Variants in ALDH3A1 observed in about 807,000 individuals in gnomAD.
ALDH3A1 encodes the protein aldehyde dehydrogenase, dimeric NADP-preferring.
Under a neutral mutation model 49.9 loss-of-function variants are expected in ALDH3A1, and 46 were observed. The observed-to-expected ratio is 0.92, with a 90% CI of 0.73 to 1.18. The LOEUF (loss-of-function observed/expected upper bound fraction) is 1.18, where lower values mean the gene tolerates loss of function less well. ALDH3A1 is among the 50% of genes most tolerant of loss of function. ALDH3A1 has a pLI of 0.00. For synonymous variants in ALDH3A1, 269 were observed against 253.3 expected, an observed-to-expected ratio of 1.06 and a Z score of -0.59; for missense variants, 592 against 611.8, an observed-to-expected ratio of 0.97 and a Z score of 0.34.
In ALDH3A1 at chr17:19,740,332, G is replaced by A. The variant is rs766638702; in HGVS notation, c.949+4C>T. On this transcript the variant is annotated splice_donor_region_variant and intron_variant, in intron 7 of 10. Transcript: ENST00000225740. ...GTGGGCTGTGCTCTTCAGGGGTCAC[G>A]CACCTATGTAGCGAGTGGCGGCATC... The A allele has an allele frequency of 8.1e-6, 13 of 1,613,652 alleles. No individual in the cohort carries two copies. The highest frequency in any genetic ancestry group is 1.7e-5 in the Admixed American group (1 of 60,024).
At chr17:19,746,696 C>CAT (rs202006385) in intron 1 of ALDH3A1, among the ~76,000 whole-genome samples, 1 of 139,322 alleles carries the variant, frequency 7.2e-6, no homozygotes, top group South Asian at 2.2e-4. Flanking sequence ...TGTGTGTGTG[C>CAT]GTGCGTGTGT....
chr17:19,742,287 C>A, intron 4 of ALDH3A1, 75 bp from the exon 5 acceptor site: 1 of 1,508,564 alleles, frequency 6.6e-7, no homozygotes, highest in South Asian at 1.2e-5. Flanking sequence ...GGGTGAGTTG[C>A]AGTGGCCAAG....
rs765461706 is a variant in ALDH3A1 at position 19,742,052 on chromosome 17, T to G, written c.641A>C (p.Lys214Thr). The part of the protein sequence containing the change: ...LTPVTLELGG[K>T]SPCYVDKNCD... Reference sequence around the variant, plus strand: ...GTTCTTGTCCACGTAGCAGGGACTCTTCCCTCCCAGCTCCAGCGTGACAGG... The same window carrying G: ...GTTCTTGTCCACGTAGCAGGGACTCGTCCCTCCCAGCTCCAGCGTGACAGG... Residue 214 changes from lysine (K) to threonine (T), a missense_variant, in exon 5 of 11, where the codon AAG (lysine) becomes ACG (threonine). Lys to Thr is a moderately conservative substitution (Grantham distance 78). Coordinates refer to ENST00000225740, the MANE Select transcript of ALDH3A1 (RefSeq NM_000691.5). 3 of 1,613,962 alleles carry G rather than the reference T, an allele frequency of 1.9e-6. No homozygotes were observed. The highest frequency in any genetic ancestry group is 1.7e-5 in the Admixed American group (1 of 60,016).
rs1294013544 is a variant in ALDH3A1, at chr17:19,739,101, C to T, written c.1117-6G>A. 6.2e-7 allele frequency: 1 copy of T among 1,611,164 alleles called. No individual in the cohort carries two copies. The highest frequency in any genetic ancestry group is 1.1e-5 in the South Asian group (1 of 90,566). ...GCAATCATCTTCTTAATCACCTGCACCAGGACCCAGCCACTGGCCTCAGTC... is the reference window on the plus strand; with the variant it reads ...GCAATCATCTTCTTAATCACCTGCATCAGGACCCAGCCACTGGCCTCAGTC... On this transcript the variant is annotated splice_region_variant and splice_polypyrimidine_tract_variant and intron_variant, in intron 8 of 10. Transcript: ENST00000225740.
At position 19,738,211 on chromosome 17, in the gene ALDH3A1, CA is replaced by C. The variant is rs1352852780; in HGVS notation, c.*9del. The C allele has an allele frequency of 1.2e-6, 2 of 1,613,932 alleles. No homozygotes were observed. The highest frequency in any genetic ancestry group is 1.7e-6 in the Non-Finnish European group (2 of 1,180,004). ...CACAGTATGGCCAGGCCAGGCGGAG[CA>C]ACCCCTCCTCAGTGCTGGGTCATCT... On this transcript the variant is annotated 3_prime_UTR_variant, in exon 11 of 11. Transcript: ENST00000225740.
rs762203999 is a variant in ALDH3A1 at position 19,738,457 on chromosome 17, C to A, written c.1217-4G>T. 7.5e-6 allele frequency: 12 copies of A among 1,609,108 alleles called. No homozygotes were observed. The highest frequency in any genetic ancestry group is 1.3e-5 in the African/African-American group (1 of 74,972). On this transcript the variant is annotated splice_polypyrimidine_tract_variant and splice_region_variant and intron_variant, in intron 9 of 10. Transcript: ENST00000225740. ...TAGGATCCCATGCCGCTGTTCCCTG[C>A]GGAGGAGAAGTAAGCACAGGGCTCA...
chr17:19,741,368 C>T (rs916579042), intron 5 of ALDH3A1, 158 bp from the exon 6 acceptor site: 13 of 600,306 alleles, frequency 2.2e-5, no homozygotes, highest in Admixed American at 8.5e-5. Flanking sequence ...GACACTGGAC[C>T]GAGCAGACCC....
intron 7 of ALDH3A1, 160 bp downstream of exon 7, chr17:19,740,176 C>T (rs1210982142): frequency 3.4e-6 from 3 of 882,530 alleles, no homozygotes; most frequent in Admixed American, 5.6e-5. Context: ...TGTCCTCAGC[C>T]CCTGCCTGCT....
intron 7 of ALDH3A1, 97 bp downstream of exon 7, chr17:19,740,239 G>T (rs1158978383): frequency 6.5e-7 from 1 of 1,528,368 alleles, no homozygotes; most frequent in Non-Finnish European, 8.9e-7. Flanking sequence ...TCCCGAGGTC[G>T]TGTCCGCTTA....
Position 19,741,182 on chromosome 17 carries a change from T to C in ALDH3A1, c.718A>G (p.Ser240Gly). 6.2e-7 allele frequency: 1 copy of C among 1,614,030 alleles called. No individual in the cohort carries two copies. The highest frequency in any genetic ancestry group is 8.5e-7 in the Non-Finnish European group (1 of 1,179,926). Residue 240 changes from serine (S) to glycine (G), a missense_variant, in exon 6 of 11, where the codon AGT (serine) becomes GGT (glycine). Ser to Gly is a moderately conservative substitution (Grantham distance 56). Coordinates refer to ENST00000225740, the MANE Select transcript of ALDH3A1 (RefSeq NM_000691.5). ...RRIAWGKFMN[S>G]GQTCVAPDYI... ...TCAGGGGCCACGCAGGTCTGGCCAC[T>C]GTTCATGAATTTCCCCCAGGCGATG...
chr17:19,747,108 G>C (rs2086611206), intron 1 of ALDH3A1, among the ~76,000 whole-genome samples: 1 of 151,612 alleles, frequency 6.6e-6, no homozygotes. Flanking sequence ...GCAGAAATAG[G>C]GTATTTCCAT....
At position 19,741,090 on chromosome 17, in the gene ALDH3A1, C is replaced by T; in HGVS notation, c.807+3G>A. 2 of 1,612,920 alleles carry T rather than the reference C, an allele frequency of 1.2e-6. No homozygotes were observed. Among genetic ancestry groups the T allele is most frequent in the Non-Finnish European group, 1.7e-6 (2 of 1,178,916 alleles). ...CCCACCCTGCCAAGGGGTCAACACT[C>T]ACTTTCAGTGACTTCTTGAGCTTCT... On this transcript the variant is annotated splice_donor_region_variant and intron_variant, in intron 6 of 10. Transcript: ENST00000225740.
At chr17:19,738,268 C>T (rs1399208855) in intron 10 of ALDH3A1, 33 bp from the exon 11 acceptor site, 1 of 1,614,080 alleles carries the variant, frequency 6.2e-7, no homozygotes, top group Non-Finnish European at 8.5e-7. Flanking sequence ...GCAGTGATCC[C>T]CAGGCCCTGG....
At chr17:19,744,901 G>GGCCCCCCCCC in intron 2 of ALDH3A1, 67 bp downstream of exon 2, 34 of 434,626 alleles carry the variant, frequency 7.8e-5, no homozygotes, top group Non-Finnish European at 8.7e-5. Context: ...ACTCTCCCCA[G>GGCCCCCCCCC]CCCCTCCCCC....
rs556937910 is a variant in ALDH3A1 at position 19,746,684 on chromosome 17, C to T, written c.-5-1550G>A. On this transcript the variant is annotated intron_variant, in intron 1 of 10. Transcript: ENST00000225740. Reference sequence around the variant, plus strand: ...GTGTGTGTGCGTGTGTGTGCATGTGCGTGTGTGTGTGCGTGCGTGTGTGTG... The same window carrying T: ...GTGTGTGTGCGTGTGTGTGCATGTGTGTGTGTGTGTGCGTGCGTGTGTGTG... Among the ~76,000 whole-genome samples the T allele has an allele frequency of 7.1e-4, 97 of 137,386 alleles. 1 individual carries two copies. Among genetic ancestry groups the T allele is most frequent in the Admixed American group, 1.4e-3 (20 of 13,822 alleles). The allele number at this position is 137,386 out of a possible 152,430, so 90.1% of individuals were successfully genotyped here. A position where few individuals can be genotyped will look rare whatever the true frequency, so the allele number is the denominator to read the frequency against.
chr17:19,743,156 G>T lies in ALDH3A1; in HGVS notation c.394+76C>A, dbSNP rs751544540. The stretch of plus-strand genomic sequence containing the variant: ...TCTGACCCCAGGACTCTTAACACAG[G>T]CCTGAGCCCATCCTGGCTTGGCTCC... On this transcript the variant is annotated intron_variant, in intron 3 of 10. Coordinates refer to ENST00000225740, the MANE Select transcript of ALDH3A1 (RefSeq NM_000691.5). The surrounding 1 kb of genome is among the most constrained non-coding windows in gnomAD (Gnocchi z 4.4). The T allele has an allele frequency of 6.3e-6, 10 of 1,584,006 alleles. No individual in the cohort carries two copies. In the Admixed American group the frequency reaches 1.8e-4, roughly 29 times the overall value.
chr17:19,740,564 T>C, intron 6 of ALDH3A1, 87 bp from the exon 7 acceptor site: 11 of 1,488,014 alleles, frequency 7.4e-6, no homozygotes, highest in Non-Finnish European at 1.0e-5. Context: ...GCAGTGTCTG[T>C]CTTTGGGTGG....
chr17:19,742,490 G>A, intron 4 of ALDH3A1, 55 bp downstream of exon 4: 3 of 1,561,092 alleles, frequency 1.9e-6, no homozygotes, highest in African/African-American at 1.4e-5. Flanking sequence ...CCAAAGACCT[G>A]GCCCTAGCTC....
intron 7 of ALDH3A1, 138 bp downstream of exon 7, chr17:19,740,198 C>T: frequency 8.6e-7 from 1 of 1,166,660 alleles, no homozygotes. Flanking sequence ...GAGTCTACCG[C>T]AGGCTCCCTG....
Sources: allele counts gnomAD v4.1 joint callset (sites outside exome capture counted in the v4.1 genomes callset), GRCh38; gene constraint gnomAD v4.1.1; non-coding constraint Gnocchi (gnomAD v3.1); transcripts MANE v1.5; gene names NCBI Gene and HGNC (gene_info 2026-07-23, HGNC 2026-07-21).